Variants in ITFG1 observed in about 807,000 individuals in gnomAD.
The protein encoded by ITFG1 is T-cell immunomodulatory protein.
Under a neutral mutation model 81.8 loss-of-function variants are expected in ITFG1, and 34 were observed. That is an observed-to-expected ratio of 0.42 (90% confidence interval 0.32 to 0.55). The LOEUF is 0.55. ITFG1 is among the 20% of genes least tolerant of loss of function. The probability of loss-of-function intolerance (pLI) is 0.17; values close to 1 mark genes in which losing one functional copy is unlikely to be tolerated. For missense variants in ITFG1, 672 were observed against 755.4 expected (o/e 0.89, Z 1.29); for synonymous variants, 285 against 270.6 (o/e 1.05, Z -0.52).
chr16:47,378,019 G>C (rs958633290), intron 6 of ITFG1, among the ~76,000 whole-genome samples: 1 of 152,156 alleles, frequency 6.6e-6, no homozygotes, highest in African/African-American at 2.4e-5. Flanking sequence ...AATAATCACA[G>C]TGACTACTGT....
At chr16:47,163,267 C>T (rs1041742613) in intron 14 of ITFG1, among the ~76,000 whole-genome samples, 1 of 152,200 alleles carries the variant, frequency 6.6e-6, no homozygotes, top group African/African-American at 2.4e-5. Context: ...GAGAAAGAAA[C>T]TCCATACACA....
intron 5 of ITFG1, among the ~76,000 whole-genome samples, chr16:47,443,974 T>A (rs1969289800): frequency 1.3e-5 from 2 of 152,130 alleles, no homozygotes; most frequent in African/African-American, 4.8e-5. Flanking sequence ...TTCATTCAAT[T>A]TACAGAAAAT....
At chr16:47,258,263 A>G (rs569386186) in intron 12 of ITFG1, among the ~76,000 whole-genome samples, 1 of 152,378 alleles carries the variant, frequency 6.6e-6, no homozygotes, top group Non-Finnish European at 1.5e-5. Context: ...CAAATAATTC[A>G]TGACCTAAGT....
intron 14 of ITFG1, among the ~76,000 whole-genome samples, chr16:47,166,783 G>A (rs1964895750): frequency 2.6e-4 from 1 of 3,810 alleles, no homozygotes; most frequent in Non-Finnish European, 8.2e-4. Flanking sequence ...AAATTAGTTT[G>A]CACCCAAATT....
chr16:47,252,533 T>C (rs1433629916), intron 12 of ITFG1, among the ~76,000 whole-genome samples: 1 of 152,190 alleles, frequency 6.6e-6, no homozygotes, highest in African/African-American at 2.4e-5. Flanking sequence ...CAAGTGTATC[T>C]GACAGGAATA....
intron 6 of ITFG1, among the ~76,000 whole-genome samples, chr16:47,415,881 G>C (rs1211689626): frequency 6.6e-6 from 1 of 152,120 alleles, no homozygotes. Context: ...ATCACCTGAG[G>C]TTGGGAGTTC....
chr16:47,186,747 G>A (rs577840131), intron 14 of ITFG1, among the ~76,000 whole-genome samples: 8 of 152,298 alleles, frequency 5.3e-5, no homozygotes, highest in Admixed American at 2.6e-4. Flanking sequence ...CCTAGTGTTG[G>A]AAATTCTGGC....
chr16:47,404,766 A>C (rs191406886), intron 6 of ITFG1, among the ~76,000 whole-genome samples: 297 of 152,172 alleles, frequency 2.0e-3, no homozygotes, highest in Non-Finnish European at 2.6e-3. Context: ...AATATGTTTA[A>C]GCTTTAGTTC....
At chr16:47,317,462 T>A (rs1395152987) in intron 8 of ITFG1, 4 of 152,240 alleles carry the variant, frequency 2.6e-5, no homozygotes, top group Non-Finnish European at 5.9e-5. Flanking sequence ...TTAACTGACC[T>A]GTGGAATTGT....
chr16:47,184,233 G>A (rs1396771294), intron 14 of ITFG1, among the ~76,000 whole-genome samples: 2 of 152,122 alleles, frequency 1.3e-5, no homozygotes, highest in African/African-American at 2.4e-5. Flanking sequence ...AACTTCCCCA[G>A]TCTAGCAAGG....
chr16:47,445,364 C>A (rs1393387654), intron 5 of ITFG1, among the ~76,000 whole-genome samples: 2 of 151,252 alleles, frequency 1.3e-5, no homozygotes, highest in African/African-American at 4.9e-5. Flanking sequence ...ACAGCATTCT[C>A]ATGTGAAGGA....
At chr16:47,281,067 GGGAGGAA>G in intron 10 of ITFG1, among the ~76,000 whole-genome samples, 1 of 152,122 alleles carries the variant, frequency 6.6e-6, no homozygotes, top group Non-Finnish European at 1.5e-5. Context: ...ATTGAACATG[GGGAGGAA>G]TGAGGACTCC....
rs117300687 is a variant in ITFG1 at position 47,355,481 on chromosome 16, T to C, written c.802+10307A>G. Among the ~76,000 whole-genome samples the C allele has an allele frequency of 1.2e-3, 177 of 152,260 alleles. 3 individuals carry two copies. In the East Asian group the frequency reaches 0.029, roughly 25 times the overall value. ...GTTCTACTGCACAGTAGGGTGACTA[T>C]AGGTAGCTGTGATGTATTGTGTATT... On this transcript the variant is annotated intron_variant, in intron 8 of 17. Coordinates refer to ENST00000320640, the MANE Select transcript of ITFG1 (RefSeq NM_030790.5).
At chr16:47,359,605 A>C (rs1968083708) in intron 8 of ITFG1, among the ~76,000 whole-genome samples, 2 of 152,190 alleles carry the variant, frequency 1.3e-5, no homozygotes, top group South Asian at 2.1e-4. Context: ...TTCCAGTTAC[A>C]TTTAGAATAA....
intron 14 of ITFG1, among the ~76,000 whole-genome samples, chr16:47,200,423 A>G (rs1965411405): frequency 6.6e-6 from 1 of 152,228 alleles, no homozygotes; most frequent in African/African-American, 2.4e-5. Context: ...CAGGAAAATG[A>G]TATACCTTGA....
At chr16:47,282,485 A>G (rs1966460838) in intron 10 of ITFG1, among the ~76,000 whole-genome samples, 1 of 152,046 alleles carries the variant, frequency 6.6e-6, no homozygotes, top group South Asian at 2.1e-4. Flanking sequence ...TTTTTATCCA[A>G]TCATCTGTTG....
intron 10 of ITFG1, among the ~76,000 whole-genome samples, chr16:47,298,432 C>T (rs1481704126): frequency 6.6e-6 from 1 of 152,022 alleles, no homozygotes; most frequent in Non-Finnish European, 1.5e-5. Flanking sequence ...TATGAGAAAA[C>T]AGTTGCTTCT....
intron 8 of ITFG1, among the ~76,000 whole-genome samples, chr16:47,351,266 G>A (rs191141945): frequency 5.7e-4 from 86 of 152,174 alleles, no homozygotes; most frequent in African/African-American, 1.8e-3. Flanking sequence ...AGAGGAAGTC[G>A]AATTGTCCCT....
At chr16:47,158,447 C>T (rs1023619457) in intron 17 of ITFG1, among the ~76,000 whole-genome samples, 11 of 152,174 alleles carry the variant, frequency 7.2e-5, no homozygotes, top group Non-Finnish European at 7.3e-5. Flanking sequence ...AATAATTTAA[C>T]CTCTTTTCAC....
Sources: gnomAD v4.1 joint callset for allele counts (sites outside exome capture counted in the v4.1 genomes callset) on GRCh38, gnomAD v4.1.1 for gene constraint, MANE v1.5 for transcripts, NCBI Gene and HGNC (gene_info 2026-07-23, HGNC 2026-07-21) for gene names.